TBC1D1: variants seen among roughly 807,000 people sequenced by gnomAD.
TBC1D1 encodes TBC1 (tre-2/USP6, BUB2, cdc16) domain family, member 1.
Under a neutral mutation model 125.6 loss-of-function variants are expected in TBC1D1, and 89 were observed. The observed-to-expected ratio is 0.71, with a 90% CI of 0.60 to 0.85. The LOEUF (loss-of-function observed/expected upper bound fraction) is 0.85. Among genes scored for constraint, TBC1D1 ranks in the 40% least tolerant of loss-of-function variants. TBC1D1 has a pLI of 0.00. For synonymous variants in TBC1D1, 565 were observed against 564.1 expected, an observed-to-expected ratio of 1.00 and a Z score of -0.02; for missense variants, 1,377 against 1,469.2, an observed-to-expected ratio of 0.94 and a Z score of 1.03.
intron 2 of TBC1D1, chr4:38,006,709 G>A (rs1740327181): frequency 8.7e-6 from 3 of 346,326 alleles, no homozygotes; most frequent in South Asian, 5.2e-5. Context: ...TCAATCTCCT[G>A]ACCTTGTGAT....
chr4:38,032,904 C>G (rs927835378), intron 7 of TBC1D1, among the ~76,000 whole-genome samples: 10 of 151,478 alleles, frequency 6.6e-5, no homozygotes, highest in African/African-American at 2.4e-4. Context: ...GGTGAAGTTG[C>G]ATGGGAGATT....
intron 2 of TBC1D1, among the ~76,000 whole-genome samples, chr4:37,982,672 A>G (rs1177392000): frequency 6.6e-6 from 1 of 152,198 alleles, no homozygotes; most frequent in African/African-American, 2.4e-5. Flanking sequence ...AATCCCACCT[A>G]ATCCACAAAT....
At chr4:38,068,101 C>T (rs1246390276) in intron 12 of TBC1D1, among the ~76,000 whole-genome samples, 4 of 152,198 alleles carry the variant, frequency 2.6e-5, no homozygotes, top group Admixed American at 2.6e-4. Context: ...GCTTGGATTC[C>T]TTCGCCTTTG....
At chr4:37,911,858 G>A (rs1399778298) in intron 2 of TBC1D1, among the ~76,000 whole-genome samples, 1 of 152,196 alleles carries the variant, frequency 6.6e-6, no homozygotes, top group Non-Finnish European at 1.5e-5. Context: ...GAGAATAGGA[G>A]GAGGGCTAGT....
At chr4:37,894,323 TGA>T (rs1157063675) in intron 1 of TBC1D1, among the ~76,000 whole-genome samples, 2 of 152,210 alleles carry the variant, frequency 1.3e-5, no homozygotes, top group African/African-American at 4.8e-5. Context: ...TTCCATTTGA[TGA>T]GGTCTTAGAT....
Position 38,124,957 on chromosome 4 carries a change from C to A in TBC1D1, c.2963-5C>A. 2 of 1,612,596 alleles carry A rather than the reference C, an allele frequency of 1.2e-6. No homozygotes were observed. Among genetic ancestry groups the A allele is most frequent in the Non-Finnish European group, 8.5e-7 (1 of 1,179,364 alleles). ...TTAACTTTCTGCATTTCTGTGTTTT[C>A]TCAGATATGATTTTTCTTCAGGGAA... On this transcript the variant is annotated splice_region_variant and splice_polypyrimidine_tract_variant and intron_variant, in intron 17 of 19. Coordinates refer to ENST00000261439, the MANE Select transcript of TBC1D1 (RefSeq NM_015173.4).
chr4:37,982,356 TA>T (rs201153272), intron 2 of TBC1D1, among the ~76,000 whole-genome samples: 4 of 152,230 alleles, frequency 2.6e-5, no homozygotes, highest in Non-Finnish European at 5.9e-5. Context: ...TGTATTGTTT[TA>T]AAATTTTTTT....
intron 19 of TBC1D1, among the ~76,000 whole-genome samples, chr4:38,136,333 A>G (rs1259350115): frequency 1.3e-5 from 2 of 152,170 alleles, no homozygotes; most frequent in African/African-American, 2.4e-5. Flanking sequence ...AAGAGAGGAT[A>G]TTGCTTGTCT....
At chr4:38,099,391 C>T (rs1560787215) in intron 14 of TBC1D1, among the ~76,000 whole-genome samples, 1 of 152,244 alleles carries the variant, frequency 6.6e-6, no homozygotes, top group South Asian at 2.1e-4. Flanking sequence ...AAAACACCCA[C>T]GATGCAGATG....
intron 2 of TBC1D1, among the ~76,000 whole-genome samples, chr4:37,927,803 G>A (rs559534621): frequency 2.0e-5 from 3 of 152,268 alleles, no homozygotes; most frequent in South Asian, 4.1e-4. Context: ...AGGCTGACGC[G>A]GGAGGATCAC....
chr4:38,020,224 C>T (rs1022575995), intron 4 of TBC1D1, among the ~76,000 whole-genome samples: 6 of 152,112 alleles, frequency 3.9e-5, no homozygotes, highest in Non-Finnish European at 8.8e-5. Flanking sequence ...CAGTGGTTCA[C>T]GCCTGTAATC....
In TBC1D1 at chr4:38,054,227, G is replaced by A; in HGVS notation, c.1939G>A (p.Gly647Ser). The A allele has an allele frequency of 6.2e-7, 1 of 1,614,168 alleles. No individual in the cohort carries two copies. Among genetic ancestry groups the A allele is most frequent in the South Asian group, 1.1e-5 (1 of 91,082 alleles). The change falls in exon 12 of 20, where the codon GGT becomes AGT. Residue 647 changes from glycine (G) to serine (S), a missense_variant. This residue lies in a region of TBC1D1 where 822 missense variants were observed against 824.6 expected (regional missense o/e 1.00). Transcript: ENST00000261439. ...CTTTGAATCCAAAGCAAACCATCTT[G>A]GTGATTCTGGTGGGACTCCTGTGAA...
At chr4:38,057,569 AGCC>A (rs1221279173) in intron 12 of TBC1D1, among the ~76,000 whole-genome samples, 13 of 152,332 alleles carry the variant, frequency 8.5e-5, no homozygotes, top group East Asian at 7.7e-4. Flanking sequence ...CTCAGAACCA[AGCC>A]GCCTGAATTT....
At chr4:38,064,763 A>G (rs554293226) in intron 12 of TBC1D1, among the ~76,000 whole-genome samples, 29 of 151,400 alleles carry the variant, frequency 1.9e-4, no homozygotes, top group African/African-American at 6.8e-4. Context: ...AGCTGGGACT[A>G]CAGGCGTGCG....
At chr4:37,892,053 T>C (rs1290631481) in intron 1 of TBC1D1, among the ~76,000 whole-genome samples, 1 of 152,218 alleles carries the variant, frequency 6.6e-6, no homozygotes, top group Non-Finnish European at 1.5e-5. Flanking sequence ...GTGATGGTTG[T>C]TCCTTCCACC....
chr4:37,921,943 C>A (rs1721090321), intron 2 of TBC1D1, among the ~76,000 whole-genome samples: 2 of 152,136 alleles, frequency 1.3e-5, no homozygotes, highest in South Asian at 4.2e-4. Flanking sequence ...CGCTATGTTG[C>A]CTAGGCTGCT....
chr4:37,911,131 CTTTTTTTTTTT>C lies in TBC1D1; in HGVS notation c.417+8632_417+8642del, dbSNP rs71658745. The stretch of plus-strand genomic sequence containing the variant: ...AGTGACCGTAGGTTCTCCCCTCCTC[CTTTTTTTTTTT>C]TTTTTTTTTTTTGGCTGCCTTTCAT... On this transcript the variant is annotated intron_variant, in intron 2 of 19. Transcript: ENST00000261439. Among the ~76,000 whole-genome samples the C allele has an allele frequency of 1.1e-3, 100 of 94,918 alleles. 2 individuals carry two copies. The South Asian group carries it at 0.023, about 22-fold the overall frequency. The allele number at this position is 94,918 out of a possible 152,430, so 62.3% of individuals were successfully genotyped here.
intron 17 of TBC1D1, chr4:38,120,165 CATT>C: frequency 5.4e-6 from 5 of 927,340 alleles, no homozygotes; most frequent in Non-Finnish European, 6.4e-6. Flanking sequence ...GTTTCATAAA[CATT>C]ATGCATAGAG....
intron 2 of TBC1D1, among the ~76,000 whole-genome samples, chr4:37,946,485 A>T (rs1410110288): frequency 2.6e-5 from 4 of 152,226 alleles, no homozygotes; most frequent in Non-Finnish European, 4.4e-5. Flanking sequence ...TTATAACACT[A>T]AAAGGGAAGA....
Sources: gnomAD v4.1 joint callset for allele counts (sites outside exome capture counted in the v4.1 genomes callset) on GRCh38, gnomAD v4.1.1 for gene constraint, gnomAD v4.1.1 regional missense constraint, MANE v1.5 for transcripts, NCBI Gene and HGNC (gene_info 2026-07-23, HGNC 2026-07-21) for gene names.